The following ARAP2 variants were observed in gnomAD, a reference collection of about 807,000 sequenced individuals.
The protein encoded by ARAP2 is arf-GAP with Rho-GAP domain, ANK repeat and PH domain-containing protein 2.
In ARAP2, 148 loss-of-function variants were observed where a neutral mutation model predicts 194.5. The observed-to-expected ratio is 0.76, with a 90% CI of 0.67 to 0.87. The LOEUF (loss-of-function observed/expected upper bound fraction) is 0.87. Ranked by LOEUF, ARAP2 falls within the 40% of genes least tolerant of loss-of-function variation. The probability of loss-of-function intolerance (pLI) is 0.00; values close to 1 mark genes in which losing one functional copy is unlikely to be tolerated. For missense variants in ARAP2, 2,128 were observed against 1,989.7 expected (o/e 1.07, Z -1.32); for synonymous variants, 695 against 683.5 (o/e 1.02, Z -0.26).
At chr4:36,188,300 G>T (rs1278648217) in intron 7 of ARAP2, among the ~76,000 whole-genome samples, 2 of 152,054 alleles carry the variant, frequency 1.3e-5, no homozygotes, top group Non-Finnish European at 2.9e-5. Flanking sequence ...GTGTTGGAAA[G>T]AAAATTCAGA....
chr4:36,228,719 G>C lies in ARAP2; in HGVS notation c.768C>G (p.Asp256Glu). ...FKFQGEMIVN[D>E]LYVPSSPILA... ...GGATTGGTGATGATGGAACATACAAGTCATTTACAATCATTTCTCCTTGAA... is the reference window on the plus strand; with the variant it reads ...GGATTGGTGATGATGGAACATACAACTCATTTACAATCATTTCTCCTTGAA... The change falls in exon 2 of 33, where the codon GAC becomes GAG. Residue 256 changes from aspartate to glutamate, a missense_variant. By Grantham distance (45) the Asp-to-Glu change is conservative. Transcript: ENST00000303965. 6.2e-7 allele frequency: 1 copy of C among 1,614,060 alleles called. No individual in the cohort carries two copies. Among genetic ancestry groups the C allele is most frequent in the South Asian group, 1.1e-5 (1 of 91,084 alleles).
At chr4:36,166,532 A>G (rs1735325875) in intron 10 of ARAP2, among the ~76,000 whole-genome samples, 1 of 152,074 alleles carries the variant, frequency 6.6e-6, no homozygotes, top group African/African-American at 2.4e-5. Context: ...GTAATTAGGA[A>G]TTGATTTTAA....
At chr4:36,070,910 A>G (rs1187468830) in intron 32 of ARAP2, among the ~76,000 whole-genome samples, 1 of 152,182 alleles carries the variant, frequency 6.6e-6, no homozygotes, top group Non-Finnish European at 1.5e-5. Flanking sequence ...AATTTGCCCA[A>G]GTTTGCATAA....
chr4:36,236,164 G>A (rs1413042761), intron 1 of ARAP2, among the ~76,000 whole-genome samples: 1 of 141,704 alleles, frequency 7.1e-6, no homozygotes, highest in Admixed American at 7.1e-5. Context: ...GGGCAACAGA[G>A]CCAGACCCTG....
intron 7 of ARAP2, among the ~76,000 whole-genome samples, chr4:36,187,923 C>T (rs1740942026): frequency 6.6e-6 from 1 of 152,214 alleles, no homozygotes; most frequent in Non-Finnish European, 1.5e-5. Flanking sequence ...TGTTTGCAGG[C>T]ATCTGCTGGC....
At chr4:36,189,006 A>G (rs1398065138) in intron 7 of ARAP2, among the ~76,000 whole-genome samples, 1 of 152,100 alleles carries the variant, frequency 6.6e-6, no homozygotes, top group African/African-American at 2.4e-5. Context: ...GACTTTATTT[A>G]TCCATCAAAA....
chr4:36,123,390 A>C (rs2109555332), intron 22 of ARAP2, among the ~76,000 whole-genome samples: 1 of 151,968 alleles, frequency 6.6e-6, no homozygotes, highest in Admixed American at 6.6e-5. Flanking sequence ...TAAGGACATT[A>C]TCTTTAAGGA....
intron 30 of ARAP2, among the ~76,000 whole-genome samples, chr4:36,081,703 C>T (rs1338711110): frequency 6.6e-6 from 1 of 151,256 alleles, no homozygotes; most frequent in African/African-American, 2.4e-5. Flanking sequence ...ATAATCCAGG[C>T]AGATCAATGA....
At chr4:36,099,486 A>T (rs1426568222) in intron 27 of ARAP2, among the ~76,000 whole-genome samples, 1 of 152,102 alleles carries the variant, frequency 6.6e-6, no homozygotes, top group Non-Finnish European at 1.5e-5. Context: ...CGCCTGTCAT[A>T]CAAGCTATAA....
intron 28 of ARAP2, among the ~76,000 whole-genome samples, chr4:36,088,756 G>A (rs1422136795): frequency 6.6e-6 from 1 of 152,088 alleles, no homozygotes; most frequent in African/African-American, 2.4e-5. Flanking sequence ...AGCACACGGA[G>A]TGCTGAACAG....
At chr4:36,147,510 A>C in intron 18 of ARAP2, 38 bp downstream of exon 18, 1 of 1,587,118 alleles carries the variant, frequency 6.3e-7, no homozygotes, top group Middle Eastern at 1.7e-4. Flanking sequence ...GCAATAAAGA[A>C]AAGTGTTCCA....
intron 27 of ARAP2, among the ~76,000 whole-genome samples, chr4:36,101,372 A>T (rs1716875626): frequency 7.2e-6 from 1 of 138,254 alleles, no homozygotes; most frequent in Non-Finnish European, 1.5e-5. Context: ...CTATTGGAAC[A>T]GGATTTAATA....
chr4:36,147,433 A>C, intron 18 of ARAP2, 74 bp from the exon 19 acceptor site: 4 of 1,574,048 alleles, frequency 2.5e-6, no homozygotes, highest in Non-Finnish European at 8.7e-7. Flanking sequence ...CACAAATATT[A>C]ATACTGCTTA....
chr4:36,105,705 C>T (rs1405105384), intron 27 of ARAP2, among the ~76,000 whole-genome samples: 1 of 151,962 alleles, frequency 6.6e-6, no homozygotes, highest in Non-Finnish European at 1.5e-5. Context: ...GTTTGCCACC[C>T]ACCCCCAGCC....
At chr4:36,177,792 T>C in intron 9 of ARAP2, 35 bp downstream of exon 9, 2 of 1,518,066 alleles carry the variant, frequency 1.3e-6, no homozygotes, top group Admixed American at 2.3e-5. Flanking sequence ...TATAATAAAA[T>C]AGCAGCAATT....
exon 8 of ARAP2, chr4:36,015,405 T>A (rs1469104735): frequency 6.6e-6 from 1 of 152,186 alleles, no homozygotes; most frequent in African/African-American, 2.4e-5. Flanking sequence ...GATGAGCAAT[T>A]TGGGCTATGC....
intron 17 of ARAP2, 54 bp from the exon 18 acceptor site, chr4:36,147,800 T>C: frequency 7.1e-7 from 1 of 1,408,538 alleles, no homozygotes; most frequent in African/African-American, 1.4e-5. Context: ...GGAAATCCCT[T>C]CCCTATCTAC....
intron 6 of ARAP2, among the ~76,000 whole-genome samples, chr4:36,018,846 TG>T (rs985290158): frequency 4.6e-5 from 7 of 152,304 alleles, no homozygotes; most frequent in African/African-American, 1.7e-4. Context: ...GTAGGATTTC[TG>T]TTTTTCTCTT....
Position 36,096,374 on chromosome 4 carries a change from A to AAAAAAAAAAAAAAAAAAAAAAAAG in ARAP2, c.4286-4355_4286-4354insCTTTTTTTTTTTTTTTTTTTTTTT, listed in dbSNP as rs796310005. Among the ~76,000 whole-genome samples the AAAAAAAAAAAAAAAAAAAAAAAAG allele has an allele frequency of 1.3e-4, 19 of 142,044 alleles. 1 individual carries two copies. The highest frequency in any genetic ancestry group is 3.8e-4 in the African/African-American group (13 of 34,180). The allele number at this position is 142,044 out of a possible 152,430, so 93.2% of individuals were successfully genotyped here. A position where few individuals can be genotyped will look rare whatever the true frequency, so the allele number is the denominator to read the frequency against. On this transcript the variant is annotated intron_variant, in intron 27 of 32. Coordinates refer to ENST00000303965, the MANE Select transcript of ARAP2 (RefSeq NM_015230.4). ...AGTGAGACTCTCTCAAAAAAAAAAAAAAAAAAGAAAAAGGAAAAAAGTAGT... is the reference window on the plus strand; with the variant it reads ...AGTGAGACTCTCTCAAAAAAAAAAAAAAAAAAAAAAAAAAAAAAAAAAAGAAAAAAGAAAAAGGAAAAAAGTAGT...
Sources: allele counts gnomAD v4.1 joint callset (sites outside exome capture counted in the v4.1 genomes callset), GRCh38; gene constraint gnomAD v4.1.1; transcripts MANE v1.5; gene names NCBI Gene and HGNC (gene_info 2026-07-23, HGNC 2026-07-21).